Variants in IGSF9 observed in about 807,000 individuals in gnomAD.
IGSF9 encodes the protein protein turtle homolog A.
IGSF9 carries 87 observed loss-of-function variants against 121.7 expected under a neutral mutation model. The observed-to-expected ratio is 0.71, with a 90% CI of 0.60 to 0.85. The LOEUF (loss-of-function observed/expected upper bound fraction) is 0.85, where lower values mean the gene tolerates loss of function less well. Ranked by LOEUF, IGSF9 falls within the 40% of genes least tolerant of loss-of-function variation. The pLI is 0.00. For missense variants in IGSF9, 1,462 were observed against 1,565.3 expected (o/e 0.93, Z 1.11); for synonymous variants, 640 against 648.4 (o/e 0.99, Z 0.20).
chr1:159,937,470 T>A (rs1230725989), intron 4 of IGSF9, among the ~76,000 whole-genome samples: 4 of 151,896 alleles, frequency 2.6e-5, no homozygotes, highest in Non-Finnish European at 5.9e-5. Flanking sequence ...GAAGGCTGAT[T>A]GAATTTATAT....
intron 15 of IGSF9, 104 bp downstream of exon 15, chr1:159,930,085 A>T: frequency 6.5e-7 from 1 of 1,547,384 alleles, no homozygotes; most frequent in South Asian, 1.2e-5. Context: ...TAGGACGCAG[A>T]GGTGAAGAGC....
In IGSF9 at chr1:159,927,233, G is replaced by T; in HGVS notation, c.*112C>A. On this transcript the variant is annotated 3_prime_UTR_variant, in exon 21 of 21. Transcript: ENST00000368094. ...AAACCCACTATCAGGGTCTGTGCCT[G>T]GGCACCAAAGGGGCAGGCAGGGGCA... 7.7e-7 allele frequency: 1 copy of T among 1,306,880 alleles called. No homozygotes were observed. The highest frequency in any genetic ancestry group is 1.2e-5 in the South Asian group (1 of 81,234). The allele number at this position is 1,306,880 out of a possible 1,614,324, so 81.0% of individuals were successfully genotyped here. A position where few individuals can be genotyped will look rare whatever the true frequency, so the allele number is the denominator to read the frequency against.
Position 159,927,533 on chromosome 1 carries a change from G to A in IGSF9, c.3359-7C>T. The A allele has an allele frequency of 6.2e-7, 1 of 1,609,576 alleles. No homozygotes were observed. The highest frequency in any genetic ancestry group is 8.5e-7 in the Non-Finnish European group (1 of 1,176,636). The stretch of plus-strand genomic sequence containing the variant: ...TCCTCTGGAGTCTTCACACCTGCAA[G>A]AGGCGGGCAGGACAATGAGAAGAAG... On this transcript the variant is annotated splice_polypyrimidine_tract_variant and splice_region_variant and intron_variant, in intron 20 of 20. Coordinates refer to ENST00000368094, the MANE Select transcript of IGSF9 (RefSeq NM_001135050.2).
intron 4 of IGSF9, 94 bp downstream of exon 4, chr1:159,937,592 A>C: frequency 7.0e-7 from 1 of 1,423,084 alleles, no homozygotes; most frequent in Non-Finnish European, 9.8e-7. Flanking sequence ...GTGGGATGGA[A>C]ATAGAACTCC....
intron 5 of IGSF9, 111 bp from the exon 6 acceptor site, chr1:159,936,627 G>C: frequency 6.6e-7 from 1 of 1,520,882 alleles, no homozygotes; most frequent in Non-Finnish European, 9.0e-7. Context: ...GGCAAACAAT[G>C]CCAAGCCCTT....
chr1:159,929,140 G>T, intron 18 of IGSF9, 122 bp from the exon 19 acceptor site: 1 of 1,388,590 alleles, frequency 7.2e-7, no homozygotes, highest in Non-Finnish European at 9.8e-7. Flanking sequence ...AGCGAGGAAA[G>T]GACCAACAAG....
At chr1:159,936,316 T>G in intron 6 of IGSF9, 83 bp downstream of exon 6, 1 of 1,226,660 alleles carries the variant, frequency 8.2e-7, no homozygotes, top group Non-Finnish European at 1.2e-6. Flanking sequence ...CTCCCTCCTA[T>G]CTTGCTGTGA....
chr1:159,936,928 CA>C lies in IGSF9; in HGVS notation c.401-21del. ...GGGGTGCTGCAAGGGAGACAGGCAT[CA>C]GGGGCCCCAGTGGGGCTGTCAGCCC... On this transcript the variant is annotated intron_variant, in intron 4 of 20. Coordinates refer to ENST00000368094, the MANE Select transcript of IGSF9 (RefSeq NM_001135050.2). 1 of 1,613,182 alleles carries C rather than the reference CA, an allele frequency of 6.2e-7. No homozygotes were observed. The highest frequency in any genetic ancestry group is 8.5e-7 in the Non-Finnish European group (1 of 1,179,348).
In IGSF9 at chr1:159,933,966, C is replaced by G. The variant is rs1557933857; in HGVS notation, c.1104+224G>C. 5.2e-6 allele frequency: 3 copies of G among 577,842 alleles called. No homozygotes were observed. The African/African-American group carries it at 5.7e-5, about 11-fold the overall frequency. 35.8% of individuals were successfully genotyped at this position (577,842 alleles called of 1,614,324 possible). ...ATTTTCCCCAGAGATCATCTCTCTT[C>G]TTTCCCCAAAGAAGACACAAAACCA... On this transcript the variant is annotated intron_variant, in intron 9 of 20. Coordinates refer to ENST00000368094, the MANE Select transcript of IGSF9 (RefSeq NM_001135050.2).
At chr1:159,927,623 C>T (rs1252697279) in intron 20 of IGSF9, 97 bp from the exon 21 acceptor site, 2 of 1,539,794 alleles carry the variant, frequency 1.3e-6, no homozygotes, top group Non-Finnish European at 1.8e-6. Context: ...GTACAGATGG[C>T]CCAAGGGGGC....
At position 159,931,657 on chromosome 1, in the gene IGSF9, G is replaced by A; in HGVS notation, c.1363-54C>T. ...CACACGCAGCCACCCCTCACCAAAG[G>A]CGCCCCTCATCTCTCCAGGCAGCTC... On this transcript the variant is annotated intron_variant, in intron 11 of 20. Transcript: ENST00000368094. The surrounding 1 kb of genome is among the most constrained non-coding windows in gnomAD (Gnocchi z 4.8). 5.7e-6 allele frequency: 9 copies of A among 1,589,958 alleles called. No individual in the cohort carries two copies. In the Admixed American group the frequency reaches 1.5e-4, roughly 27 times the overall value.
Position 159,935,481 on chromosome 1 carries a change from AC to A in IGSF9, c.674-660del, listed in dbSNP as rs756935734. 5.3e-5 allele frequency among the ~76,000 whole-genome samples: 8 copies of A among 151,636 alleles called. No individual in the cohort carries two copies. In the South Asian group the frequency reaches 1.7e-3, roughly 32 times the overall value. On this transcript the variant is annotated intron_variant, in intron 6 of 20. Transcript: ENST00000368094. Reference sequence around the variant, plus strand: ...CCATCTCCATGCCTTTGCTCCCTGCACCCCCGGTCTGGAATGCCCCTCCCAA... The same window carrying A: ...CCATCTCCATGCCTTTGCTCCCTGCACCCCGGTCTGGAATGCCCCTCCCAA...
At position 159,943,438 on chromosome 1, in the gene IGSF9, C is replaced by G; in HGVS notation, c.17G>C (p.Gly6Ala). 6.3e-7 allele frequency: 1 copy of G among 1,587,188 alleles called. No homozygotes were observed. Among genetic ancestry groups the G allele is most frequent in the Non-Finnish European group, 8.6e-7 (1 of 1,166,234 alleles). Reference protein sequence around the residue: MVWCLGLAVLSLVISQ... With the variant: MVWCLALAVLSLVISQ... ...GATGACCAGGCTGAGGACGGCCAGG[C>G]CGAGGCACCACACCATAGCCCAGCT... is the stretch of plus-strand genomic sequence containing the variant. Residue 6 changes from glycine to alanine, a missense_variant, in exon 2 of 21, where the codon GGC (glycine) becomes GCC (alanine). By Grantham distance (60) the Gly-to-Ala change is moderately conservative. Transcript: ENST00000368094.
chr1:159,934,715 A>C lies in IGSF9; in HGVS notation c.781T>G (p.Trp261Gly). The change falls in exon 7 of 21, where the codon TGG (tryptophan) becomes GGG (glycine). Residue 261 changes from tryptophan to glycine, a missense_variant. Physicochemically the swap from Trp to Gly is radical, Grantham distance 184. Coordinates refer to ENST00000368094, the MANE Select transcript of IGSF9 (RefSeq NM_001135050.2). Reference protein sequence around the residue: ...EAYPANLTYSWFQDNINVFHI... With the variant: ...EAYPANLTYSGFQDNINVFHI... ...AAGACATTGATGTTGTCCTGGAACC[A>C]GCTGTAGGTGAGGTTAGCAGGGTAT... The C allele has an allele frequency of 6.2e-7, 1 of 1,614,240 alleles. No individual in the cohort carries two copies. The highest frequency in any genetic ancestry group is 8.5e-7 in the Non-Finnish European group (1 of 1,180,036).
intron 2 of IGSF9, 62 bp from the exon 3 acceptor site, chr1:159,943,213 GC>G (rs1356040032): frequency 1.0e-5 from 15 of 1,430,972 alleles, no homozygotes; most frequent in Non-Finnish European, 1.3e-5. Flanking sequence ...GAGGGGGAGT[GC>G]CATCAGTATC....
Position 159,928,695 on chromosome 1 carries a change from A to T in IGSF9, c.2693T>A (p.Leu898His). The T allele has an allele frequency of 6.8e-7, 1 of 1,478,078 alleles. No individual in the cohort carries two copies. Among genetic ancestry groups the T allele is most frequent in the Non-Finnish European group, 9.0e-7 (1 of 1,112,910 alleles). 91.6% of individuals were successfully genotyped at this position (1,478,078 alleles called of 1,614,324 possible). A position where few individuals can be genotyped will look rare whatever the true frequency, so the allele number is the denominator to read the frequency against. Residue 898 changes from leucine (L) to histidine (H), a missense_variant, in exon 19 of 21, where the codon CTC becomes CAC. By Grantham distance (99) the Leu-to-His change is moderately conservative. This residue lies in a region of IGSF9 where 808 missense variants were observed against 815.2 expected (regional missense o/e 0.99). Transcript: ENST00000368094. ...CACAGGGCTGATGTCTTCAATGCAGAGGGGCTGGGGTGCCCCACTGGGGCT... is the reference window on the plus strand; with the variant it reads ...CACAGGGCTGATGTCTTCAATGCAGTGGGGCTGGGGTGCCCCACTGGGGCT... ...SSSPSGAPQP[L>H]CIEDISPVAP...
chr1:159,945,066 T>C (rs1391110305), intron 1 of IGSF9, among the ~76,000 whole-genome samples: 1 of 151,498 alleles, frequency 6.6e-6, no homozygotes, highest in Non-Finnish European at 1.5e-5. Context: ...CACCACTCCC[T>C]CGTCCTCCCA....
intron 3 of IGSF9, among the ~76,000 whole-genome samples, chr1:159,939,344 C>T (rs1651301594): frequency 6.6e-6 from 1 of 152,196 alleles, no homozygotes; most frequent in African/African-American, 2.4e-5. Flanking sequence ...CCTCTTGCCT[C>T]AGCCTCTCAA....
chr1:159,932,118 T>C lies in IGSF9; in HGVS notation c.1246-190A>G. On this transcript the variant is annotated intron_variant, in intron 10 of 20. Transcript: ENST00000368094. The surrounding 1 kb of genome is among the most constrained non-coding windows in gnomAD (Gnocchi z 4.1). ...CAATTCCTCTCTGGCTCTGTTTCTG[T>C]TCCCCAGTGGGTAGGGGCTGGAGGA... 3 of 573,474 alleles carry C rather than the reference T, an allele frequency of 5.2e-6. No homozygotes were observed. The highest frequency in any genetic ancestry group is 2.2e-5 in the South Asian group (1 of 45,454). 35.5% of individuals were successfully genotyped at this position (573,474 alleles called of 1,614,324 possible). A position where few individuals can be genotyped will look rare whatever the true frequency, so the allele number is the denominator to read the frequency against.
Sources: gnomAD v4.1 joint callset for allele counts (sites outside exome capture counted in the v4.1 genomes callset) on GRCh38, gnomAD v4.1.1 for gene constraint, gnomAD v4.1.1 regional missense constraint, Gnocchi (gnomAD v3.1) non-coding constraint, MANE v1.5 for transcripts, NCBI Gene and HGNC (gene_info 2026-07-23, HGNC 2026-07-21) for gene names.